The following RPIA variants were observed in gnomAD, a reference collection of about 807,000 sequenced individuals.
RPIA encodes the protein ribose 5-phosphate isomerase A.
RPIA carries 29 observed loss-of-function variants against 37.8 expected under a neutral mutation model. The observed-to-expected ratio is 0.77, with a 90% CI of 0.57 to 1.05. The LOEUF (loss-of-function observed/expected upper bound fraction) is 1.05. Ranked by LOEUF, RPIA falls within the 50% of genes least tolerant of loss-of-function variation. RPIA has a pLI of 0.00. For synonymous variants in RPIA, 167 were observed against 157.0 expected (o/e 1.06, Z -0.48); for missense variants, 385 against 413.6 (o/e 0.93, Z 0.60).
At chr2:88,699,972 G>T (rs779031889) in intron 2 of RPIA, 37 bp from the exon 3 acceptor site, 2 of 1,606,312 alleles carry the variant, frequency 1.2e-6, no homozygotes, top group South Asian at 2.2e-5. Context: ...AAAGTAAGGA[G>T]AGTGAAAAAC....
rs112860060 is a variant in RPIA, at chr2:88,749,617, G to A, written c.839-364G>A. On this transcript the variant is annotated intron_variant, in intron 8 of 8. Coordinates refer to ENST00000283646, the MANE Select transcript of RPIA (RefSeq NM_144563.3). ...CTCCTTGGCTGGAGTAGTCATGGAG[G>A]GTCTCTAGAGGATGACTTGCCATCT... Among the ~76,000 whole-genome samples the A allele has an allele frequency of 4.0e-3, 602 of 152,234 alleles. 2 individuals carry two copies. Among genetic ancestry groups the A allele is most frequent in the African/African-American group, 0.013 (534 of 41,522 alleles).
intron 3 of RPIA, among the ~76,000 whole-genome samples, chr2:88,728,904 T>C (rs1308421411): frequency 2.0e-5 from 3 of 152,238 alleles, no homozygotes; most frequent in South Asian, 4.1e-4. Context: ...TTTTATACCA[T>C]TGGATTGTTT....
chr2:88,706,228 CATTCT>C, intron 3 of RPIA, among the ~76,000 whole-genome samples: 2 of 152,256 alleles, frequency 1.3e-5, no homozygotes, highest in South Asian at 4.1e-4. Flanking sequence ...GAATATAAAT[CATTCT>C]ATTCTAAAGA....
intron 3 of RPIA, among the ~76,000 whole-genome samples, chr2:88,711,421 T>G (rs1430645006): frequency 1.3e-5 from 2 of 152,246 alleles, no homozygotes; most frequent in African/African-American, 4.8e-5. Context: ...ATTCAAAGAT[T>G]TTCTGACTGG....
At position 88,705,524 on chromosome 2, in the gene RPIA, G is replaced by C. The variant is rs372601517; in HGVS notation, c.402+5460G>C. On this transcript the variant is annotated intron_variant, in intron 3 of 8. Transcript: ENST00000283646. ...TAACCATATGCAAAAATTGAAACTG[G>C]ACCTTTTCCTTACAACTTATATGAA... Among the ~76,000 whole-genome samples the C allele has an allele frequency of 6.6e-5, 10 of 152,126 alleles. No individual in the cohort carries two copies. The East Asian group carries it at 7.7e-4, about 12-fold the overall frequency.
chr2:88,741,230 GT>G (rs1294422721), intron 8 of RPIA, among the ~76,000 whole-genome samples: 1 of 152,038 alleles, frequency 6.6e-6, no homozygotes, highest in African/African-American at 2.4e-5. Flanking sequence ...TTTCCCCTGA[GT>G]CCCCAGAGTC....
rs544792088 is a variant in RPIA at position 88,738,306 on chromosome 2, T to A, written c.838+230T>A. Among the ~76,000 whole-genome samples the A allele has an allele frequency of 3.9e-4, 59 of 152,358 alleles. No individual in the cohort carries two copies. In the South Asian group the frequency reaches 0.012, roughly 32 times the overall value. On this transcript the variant is annotated intron_variant, in intron 8 of 8. Transcript: ENST00000283646. ...TTTGTTGCTTGTGCATTTCACAGCC[T>A]GTTTGAGTTAAGATAGTCCTGAAGC... is the stretch of plus-strand genomic sequence containing the variant.
At chr2:88,734,972 T>C (rs563347225) in intron 5 of RPIA, among the ~76,000 whole-genome samples, 30 of 152,228 alleles carry the variant, frequency 2.0e-4, no homozygotes, top group Non-Finnish European at 3.5e-4. Context: ...AAAGCTGTGC[T>C]TACTTCTGTG....
chr2:88,738,295 A>T (rs935635327), intron 8 of RPIA, among the ~76,000 whole-genome samples: 3 of 152,172 alleles, frequency 2.0e-5, no homozygotes, highest in Non-Finnish European at 4.4e-5. Context: ...TTGCTTGTGC[A>T]TTTCACAGCC....
rs76347608 is a variant in RPIA, at chr2:88,708,393, G to A, written c.402+8329G>A. On this transcript the variant is annotated intron_variant, in intron 3 of 8. Transcript: ENST00000283646. ...TAGAGTCCTTTCCAGTGAGGTTCAA[G>A]TGAGTCTTTTAGTGAGGTTCAAGTG... is the stretch of plus-strand genomic sequence containing the variant. Among the ~76,000 whole-genome samples, 296 of 152,272 alleles carry A rather than the reference G, an allele frequency of 1.9e-3. 2 individuals are homozygous for A. Among genetic ancestry groups the A allele is most frequent in the African/African-American group, 7.0e-3 (291 of 41,566 alleles).
intron 3 of RPIA, among the ~76,000 whole-genome samples, chr2:88,724,970 G>T (rs1255086272): frequency 1.3e-5 from 2 of 152,148 alleles, no homozygotes; most frequent in Non-Finnish European, 2.9e-5. Context: ...AAAATGAAGG[G>T]AAAACAGAAG....
At chr2:88,700,903 T>C (rs577321654) in intron 3 of RPIA, among the ~76,000 whole-genome samples, 2 of 152,284 alleles carry the variant, frequency 1.3e-5, no homozygotes, top group South Asian at 4.1e-4. Context: ...GATGATACTA[T>C]GCACTGGGGT....
At chr2:88,728,670 T>C (rs1179877290) in intron 3 of RPIA, among the ~76,000 whole-genome samples, 2 of 152,222 alleles carry the variant, frequency 1.3e-5, no homozygotes, top group African/African-American at 4.8e-5. Flanking sequence ...GTCACCTTTT[T>C]AAGAAGGTTA....
At chr2:88,746,593 A>G (rs1315800755) in intron 8 of RPIA, among the ~76,000 whole-genome samples, 1 of 152,190 alleles carries the variant, frequency 6.6e-6, no homozygotes, top group Non-Finnish European at 1.5e-5. Flanking sequence ...GTCTGCAGAA[A>G]GTCCTGTGAT....
chr2:88,723,045 C>T (rs1356368620), intron 3 of RPIA, among the ~76,000 whole-genome samples: 3 of 151,858 alleles, frequency 2.0e-5, no homozygotes, highest in African/African-American at 4.8e-5. Flanking sequence ...GGAATTTTAG[C>T]GAAATTAGAA....
In RPIA at chr2:88,691,838, C is replaced by A. The variant is rs749893971; in HGVS notation, c.140C>A (p.Ala47Glu). The change falls in exon 1 of 9, where the codon GCA becomes GAA. Residue 47 changes from alanine (A) to glutamate (E), a missense_variant. Around this residue, in one of 2 missense-constraint regions of RPIA, gnomAD observed 232 missense variants for 203.0 expected, o/e 1.14. Coordinates refer to ENST00000283646, the MANE Select transcript of RPIA (RefSeq NM_144563.3). ...PGSHVRLPGRAQSGTRGGAGN... is the reference protein window; with the variant it reads ...PGSHVRLPGREQSGTRGGAGN... Reference sequence around the variant, plus strand: ...TCCCACGTGCGGCTGCCGGGGCGTGCACAGTCTGGGACCCGTGGCGGTGCT... The same window carrying A: ...TCCCACGTGCGGCTGCCGGGGCGTGAACAGTCTGGGACCCGTGGCGGTGCT... The A allele has an allele frequency of 1.3e-6, 2 of 1,599,244 alleles. No individual in the cohort carries two copies. The highest frequency in any genetic ancestry group is 8.5e-7 in the Non-Finnish European group (1 of 1,174,496).
chr2:88,736,732 G>A (rs1673320761), intron 7 of RPIA, 56 bp downstream of exon 7: 11 of 1,577,176 alleles, frequency 7.0e-6, no homozygotes, highest in Non-Finnish European at 7.8e-6. Flanking sequence ...TTTCAGTGTG[G>A]TGTCCTCCCT....
At chr2:88,721,229 A>AG (rs1673118039) in intron 3 of RPIA, among the ~76,000 whole-genome samples, 1 of 152,040 alleles carries the variant, frequency 6.6e-6, no homozygotes, top group African/African-American at 2.4e-5. Context: ...GTGAGGGGCT[A>AG]GGGGAGGAAT....
chr2:88,701,647 T>G (rs1043018566), intron 3 of RPIA, among the ~76,000 whole-genome samples: 23 of 152,414 alleles, frequency 1.5e-4, no homozygotes, highest in Non-Finnish European at 3.1e-4. Context: ...TAGATTTAAG[T>G]CAAAGTTAAT....
Sources: allele counts gnomAD v4.1 joint callset (sites outside exome capture counted in the v4.1 genomes callset), GRCh38; gene constraint gnomAD v4.1.1; regional missense constraint gnomAD v4.1.1; transcripts MANE v1.5; gene names NCBI Gene and HGNC (gene_info 2026-07-23, HGNC 2026-07-21).